Variants in ASIC2 observed in about 807,000 individuals in gnomAD.
ASIC2 encodes acid-sensing ion channel 2.
A neutral mutation model predicts 57.3 loss-of-function variants in ASIC2; 25 were observed. That is an observed-to-expected ratio of 0.44 (90% CI 0.32 to 0.61). The LOEUF is 0.61. Ranked by LOEUF, ASIC2 falls within the 20% of genes least tolerant of loss-of-function variation. The pLI, the probability that ASIC2 is intolerant of heterozygous loss-of-function variation, is 0.06. For synonymous variants in ASIC2, 319 were observed against 307.5 expected (o/e 1.04, Z -0.39); for missense variants, 641 against 738.1 (o/e 0.87, Z 1.52).
chr17:33,125,618 G>A (rs556938757), intron 1 of ASIC2, among the ~76,000 whole-genome samples: 37 of 152,206 alleles, frequency 2.4e-4, no homozygotes, highest in Non-Finnish European at 4.7e-4. Context: ...GGTAGTTCAT[G>A]AGCTATAAGA....
At chr17:33,510,838 C>A (rs1914409222) in intron 1 of ASIC2, among the ~76,000 whole-genome samples, 1 of 151,986 alleles carries the variant, frequency 6.6e-6, no homozygotes, top group African/African-American at 2.4e-5. Flanking sequence ...CTGCACGAGG[C>A]CTTGTGAACC....
chr17:33,124,390 TCC>T (rs1410183858), intron 1 of ASIC2, among the ~76,000 whole-genome samples: 27 of 152,236 alleles, frequency 1.8e-4, no homozygotes, highest in Admixed American at 1.6e-3. Context: ...GATGCCACTC[TCC>T]TTTCTAGATC....
chr17:33,489,653 A>G (rs904880083), intron 1 of ASIC2, among the ~76,000 whole-genome samples: 5 of 152,312 alleles, frequency 3.3e-5, no homozygotes, highest in African/African-American at 1.2e-4. Flanking sequence ...GAAGCCACAG[A>G]CCCAACCTCC....
intron 1 of ASIC2, among the ~76,000 whole-genome samples, chr17:33,276,093 G>A (rs972001331): frequency 7.9e-5 from 12 of 152,172 alleles, no homozygotes; most frequent in African/African-American, 2.4e-5. Context: ...TACTATGGGA[G>A]CAGGGGAGAT....
intron 1 of ASIC2, among the ~76,000 whole-genome samples, chr17:33,635,622 G>A (rs915062472): frequency 1.3e-5 from 2 of 152,206 alleles, no homozygotes; most frequent in African/African-American, 4.8e-5. Context: ...GCTTAAGAAA[G>A]ACAGTTAAAT....
intron 1 of ASIC2, among the ~76,000 whole-genome samples, chr17:33,746,196 C>T (rs1910252666): frequency 6.6e-6 from 1 of 151,090 alleles, no homozygotes; most frequent in African/African-American, 2.4e-5. Context: ...GTAAATATAA[C>T]AAATTCTATA....
At chr17:33,636,200 T>C (rs1906358367) in intron 1 of ASIC2, among the ~76,000 whole-genome samples, 1 of 152,228 alleles carries the variant, frequency 6.6e-6, no homozygotes, top group African/African-American at 2.4e-5. Context: ...AAATAAAACA[T>C]ACAGGGAAAG....
chr17:33,139,373 A>T (rs8064691), intron 1 of ASIC2, among the ~76,000 whole-genome samples: 6 of 152,066 alleles, frequency 3.9e-5, no homozygotes, highest in East Asian at 1.9e-4. Context: ...CTTTCTCTGA[A>T]GCCCAAAGTA....
intron 1 of ASIC2, among the ~76,000 whole-genome samples, chr17:33,192,055 C>T (rs899689146): frequency 2.6e-5 from 4 of 152,202 alleles, no homozygotes; most frequent in African/African-American, 9.6e-5. Context: ...TCTCTCTCTC[C>T]CTCCATTTTC....
chr17:33,840,547 C>A (rs1913404694), intron 1 of ASIC2, among the ~76,000 whole-genome samples: 1 of 152,148 alleles, frequency 6.6e-6, no homozygotes, highest in African/African-American at 2.4e-5. Context: ...CAGTGCTGAG[C>A]TAAGATGTTT....
intron 1 of ASIC2, among the ~76,000 whole-genome samples, chr17:33,730,657 A>G (rs1248241007): frequency 1.3e-5 from 2 of 152,186 alleles, no homozygotes; most frequent in African/African-American, 4.8e-5. Context: ...TTACTTTGTT[A>G]AACTGTTTTA....
intron 1 of ASIC2, among the ~76,000 whole-genome samples, chr17:33,817,957 T>G (rs1306606512): frequency 3.9e-5 from 6 of 152,174 alleles, no homozygotes; most frequent in African/African-American, 1.4e-4. Context: ...AGCACATGGT[T>G]TCGGGGTACC....
rs115066773 is a variant in ASIC2 at position 33,646,085 on chromosome 17, C to T, written c.555+509893G>A. On this transcript the variant is annotated intron_variant, in intron 1 of 9. Coordinates refer to the ASIC2 transcript ENST00000359872. ...AATTTTTACACTCTGTCATTAGCACCTGAATACTTTTGTTTTCAAATCCCC... is the reference window on the plus strand; with the variant it reads ...AATTTTTACACTCTGTCATTAGCACTTGAATACTTTTGTTTTCAAATCCCC... 6.5e-3 allele frequency among the ~76,000 whole-genome samples: 995 copies of T among 152,214 alleles called. 15 individuals are homozygous for T. The highest frequency in any genetic ancestry group is 0.022 in the African/African-American group (912 of 41,532).
intron 1 of ASIC2, among the ~76,000 whole-genome samples, chr17:33,812,723 A>G (rs1040804302): frequency 1.3e-5 from 2 of 152,222 alleles, no homozygotes; most frequent in Admixed American, 1.3e-4. Flanking sequence ...AAGAGCTCAT[A>G]TGAGATTATA....
At chr17:34,099,221 A>AAGGAAAGAAAGAAAGAAAGGAAAG (rs1567821099) in intron 1 of ASIC2, among the ~76,000 whole-genome samples, 2 of 103,956 alleles carry the variant, frequency 1.9e-5, no homozygotes, top group African/African-American at 1.2e-4. Flanking sequence ...AGGAAAGAAA[A>AAGGAAAGAAAGAAAGAAAGGAAAG]GAAAGAAAAA....
At chr17:33,500,461 G>A (rs968695155) in intron 1 of ASIC2, among the ~76,000 whole-genome samples, 1 of 152,202 alleles carries the variant, frequency 6.6e-6, no homozygotes, top group African/African-American at 2.4e-5. Flanking sequence ...GCCTGGGACA[G>A]GCCTACAAGC....
At chr17:33,342,736 A>C (rs1040380319) in intron 1 of ASIC2, among the ~76,000 whole-genome samples, 3 of 152,192 alleles carry the variant, frequency 2.0e-5, no homozygotes, top group African/African-American at 7.2e-5. Context: ...ACTTTTGCTT[A>C]TCTGATGATG....
intron 1 of ASIC2, among the ~76,000 whole-genome samples, chr17:34,066,387 C>T (rs1217974548): frequency 6.6e-6 from 1 of 152,130 alleles, no homozygotes; most frequent in African/African-American, 2.4e-5. Flanking sequence ...GGGCCTCATG[C>T]CAGACTGATT....
intron 1 of ASIC2, among the ~76,000 whole-genome samples, chr17:33,646,497 C>T (rs897541422): frequency 2.6e-5 from 4 of 152,102 alleles, no homozygotes; most frequent in Non-Finnish European, 4.4e-5. Flanking sequence ...TAGGGGAAGA[C>T]GAGTGTGCTC....
Sources: gnomAD v4.1 joint callset for allele counts (sites outside exome capture counted in the v4.1 genomes callset) on GRCh38, gnomAD v4.1.1 for gene constraint, MANE v1.5 for transcripts, NCBI Gene and HGNC (gene_info 2026-07-23, HGNC 2026-07-21) for gene names.